GPHN: variants seen among roughly 807,000 people sequenced by gnomAD.
The protein encoded by GPHN is gephyrin.
In GPHN, 17 loss-of-function variants were observed where a neutral mutation model predicts 95.5. That is an observed-to-expected ratio of 0.18 (90% CI 0.12 to 0.27). The LOEUF (loss-of-function observed/expected upper bound fraction) is 0.27. Among genes scored for constraint, GPHN ranks in the 10% least tolerant of loss-of-function variants. GPHN has a pLI of 1.00. For missense variants in GPHN, 660 were observed against 978.1 expected (o/e 0.67, Z 4.34); for synonymous variants, 320 against 322.5 (o/e 0.99, Z 0.08).
chr14:66,886,319 T>C lies in GPHN; in HGVS notation c.389+6286T>C, dbSNP rs112606566. On this transcript the variant is annotated intron_variant, in intron 5 of 22. Transcript: ENST00000478722. ...TAGACAGCAACAGGCCACCCTGAGA[T>C]TATTTACAGAGAACAGCTATAAAAA... 3.1e-3 allele frequency among the ~76,000 whole-genome samples: 467 copies of C among 152,232 alleles called. 10 individuals carry two copies. Among genetic ancestry groups the C allele is most frequent in the African/African-American group, 0.011 (442 of 41,536 alleles).
intron 4 of GPHN, among the ~76,000 whole-genome samples, chr14:66,827,515 C>T (rs998033160): frequency 6.6e-6 from 1 of 152,134 alleles, no homozygotes; most frequent in East Asian, 1.9e-4. Context: ...CACCTATTTA[C>T]CAAGGTGGCT....
the GPHN span, chr14:67,388,158 G>T: frequency 7.4e-5 from 72 of 974,740 alleles, no homozygotes; most frequent in Admixed American, 1.9e-4. Context: ...TCATTAGTGG[G>T]ACATTACTGA....
the GPHN span, among the ~76,000 whole-genome samples, chr14:67,549,908 A>G: frequency 1.3e-5 from 2 of 152,220 alleles, no homozygotes; most frequent in African/African-American, 4.8e-5. Flanking sequence ...CAAAGCCCAC[A>G]TGTGATTCTT....
At chr14:67,570,150 T>C in the GPHN span, 109 of 714,024 alleles carry the variant, frequency 1.5e-4, no homozygotes, top group South Asian at 1.5e-3. Flanking sequence ...CCAGCACGTG[T>C]CATTTTGTTT....
chr14:66,652,255 T>C (rs919442588), intron 1 of GPHN, among the ~76,000 whole-genome samples: 4 of 152,176 alleles, frequency 2.6e-5, no homozygotes, highest in Non-Finnish European at 4.4e-5. Context: ...TTGCAAAATA[T>C]TCACTTCATT....
At chr14:66,713,113 C>T (rs2153423237) in intron 2 of GPHN, among the ~76,000 whole-genome samples, 1 of 152,268 alleles carries the variant, frequency 6.6e-6, no homozygotes, top group East Asian at 1.9e-4. Context: ...TGTCTGTTTA[C>T]TCTGCTGACT....
chr14:67,590,872 G>C, the GPHN span, among the ~76,000 whole-genome samples: 1 of 152,152 alleles, frequency 6.6e-6, no homozygotes, highest in Non-Finnish European at 1.5e-5. Flanking sequence ...GAATAAGCAA[G>C]AGGAAAAACA....
chr14:66,630,453 G>A (rs2063747275), intron 1 of GPHN, among the ~76,000 whole-genome samples: 1 of 152,066 alleles, frequency 6.6e-6, no homozygotes, highest in Non-Finnish European at 1.5e-5. Flanking sequence ...TTTAATGTTG[G>A]CAATTGGTCA....
chr14:66,508,771 C>A (rs2139646576), intron 1 of GPHN, among the ~76,000 whole-genome samples, 180 bp downstream of exon 1: 1 of 152,284 alleles, frequency 6.6e-6, no homozygotes, highest in Middle Eastern at 3.4e-3. Flanking sequence ...TCCCGCGGGT[C>A]CCCTCCCCCA....
At chr14:66,904,910 G>A (rs1396591307) in intron 5 of GPHN, among the ~76,000 whole-genome samples, 2 of 152,056 alleles carry the variant, frequency 1.3e-5, no homozygotes, top group Non-Finnish European at 2.9e-5. Context: ...TCTTATTTGG[G>A]TCCTATCCAT....
the GPHN span, among the ~76,000 whole-genome samples, chr14:67,498,257 G>A: frequency 3.3e-5 from 5 of 152,086 alleles, no homozygotes; most frequent in East Asian, 3.9e-4. Context: ...TTGCCAAGAC[G>A]TTCTATAAGC....
At chr14:67,099,235 G>A (rs1267254842) in intron 12 of GPHN, among the ~76,000 whole-genome samples, 3 of 151,574 alleles carry the variant, frequency 2.0e-5, no homozygotes, top group Non-Finnish European at 2.9e-5. Context: ...TCAGCCTCCC[G>A]AGTAGCCGGG....
chr14:66,532,600 T>C (rs146579440), intron 1 of GPHN, among the ~76,000 whole-genome samples: 23 of 152,334 alleles, frequency 1.5e-4, no homozygotes, highest in African/African-American at 5.5e-4. Flanking sequence ...TATCATGAGA[T>C]TGTTTTGGTT....
At chr14:66,675,800 A>G (rs2153388890) in intron 1 of GPHN, among the ~76,000 whole-genome samples, 1 of 152,234 alleles carries the variant, frequency 6.6e-6, no homozygotes, top group African/African-American at 2.4e-5. Context: ...AGAAGGATGT[A>G]CTTTCATTCT....
chr14:67,047,362 G>GTTTT (rs374536545), intron 10 of GPHN, among the ~76,000 whole-genome samples: 8 of 130,782 alleles, frequency 6.1e-5, no homozygotes, highest in African/African-American at 2.0e-4. Flanking sequence ...GTGTGTGTGT[G>GTTTT]TTTGTTTTTT....
At chr14:67,587,596 T>TG in the GPHN span, 274 of 257,884 alleles carry the variant, frequency 1.1e-3, no homozygotes, top group Middle Eastern at 4.3e-3. Context: ...ATTTTCTTTC[T>TG]GGGGGGGGCG....
At chr14:66,929,660 A>G (rs1017137224) in intron 8 of GPHN, among the ~76,000 whole-genome samples, 5 of 148,840 alleles carry the variant, frequency 3.4e-5, no homozygotes, top group Non-Finnish European at 1.5e-5. Flanking sequence ...TTCCACTTGC[A>G]TGGTATATCT....
chr14:67,367,586 G>A, the GPHN span, among the ~76,000 whole-genome samples: 3 of 152,224 alleles, frequency 2.0e-5, no homozygotes, highest in African/African-American at 7.2e-5. Context: ...TCATAAATAC[G>A]GTGCATGGAA....
At chr14:67,156,934 T>C (rs2081622679) in intron 18 of GPHN, among the ~76,000 whole-genome samples, 1 of 149,666 alleles carries the variant, frequency 6.7e-6, no homozygotes, top group African/African-American at 2.5e-5. Context: ...ATCGCGCCAC[T>C]GCACTCCAGC....
Sources: gnomAD v4.1 joint callset for allele counts (sites outside exome capture counted in the v4.1 genomes callset) on GRCh38, gnomAD v4.1.1 for gene constraint, MANE v1.5 for transcripts, NCBI Gene and HGNC (gene_info 2026-07-23, HGNC 2026-07-21) for gene names.